NT5C2: variants seen among roughly 807,000 people sequenced by gnomAD.
The protein encoded by NT5C2 is cytosolic purine 5'-nucleotidase.
NT5C2 carries 58 observed loss-of-function variants against 76.1 expected under a neutral mutation model. That is an observed-to-expected ratio of 0.76 (90% CI 0.62 to 0.95). NT5C2 has a LOEUF of 0.95. Ranked by LOEUF, NT5C2 falls within the 40% of genes least tolerant of loss-of-function variation. The pLI is 0.00. For synonymous variants in NT5C2, 229 were observed against 237.4 expected, an observed-to-expected ratio of 0.96 and a Z score of 0.32; for missense variants, 478 against 690.3, an observed-to-expected ratio of 0.69 and a Z score of 3.45.
chr10:103,164,786 C>G (rs1366741413), intron 3 of NT5C2, among the ~76,000 whole-genome samples: 1 of 152,162 alleles, frequency 6.6e-6, no homozygotes, highest in Non-Finnish European at 1.5e-5. Context: ...ATGATACTTC[C>G]TCAACATAAG....
chr10:103,168,169 A>G (rs1251764710), intron 3 of NT5C2, among the ~76,000 whole-genome samples: 1 of 152,196 alleles, frequency 6.6e-6, no homozygotes, highest in Non-Finnish European at 1.5e-5. Context: ...AAGAATTTTA[A>G]AGAGAAAAAT....
intron 3 of NT5C2, among the ~76,000 whole-genome samples, chr10:103,162,265 C>T (rs987542193): frequency 2.6e-5 from 4 of 152,080 alleles, no homozygotes; most frequent in Non-Finnish European, 5.9e-5. Flanking sequence ...CCACCCACCT[C>T]GGCCTCCCAA....
rs2091016977 is a variant in NT5C2 at position 103,181,275 on chromosome 10, T to C, written c.-115A>G. 1 of 151,570 alleles carries C rather than the reference T, an allele frequency of 6.6e-6. No individual in the cohort carries two copies. The highest frequency in any genetic ancestry group is 2.4e-5 in the African/African-American group (1 of 41,164). 9.4% of individuals were successfully genotyped at this position (151,570 alleles called of 1,614,324 possible). On this transcript the variant is annotated 5_prime_UTR_variant, in exon 2 of 19. Transcript: ENST00000404739. Reference sequence around the variant, plus strand: ...TGGGAGGCCGAGGCGAATGGATCACTTGACGTCAGGAGATCACATCACTGT... The same window carrying C: ...TGGGAGGCCGAGGCGAATGGATCACCTGACGTCAGGAGATCACATCACTGT...
intron 1 of NT5C2, among the ~76,000 whole-genome samples, chr10:103,186,652 T>G (rs1011170943): frequency 6.6e-6 from 1 of 152,160 alleles, no homozygotes; most frequent in Non-Finnish European, 1.5e-5. Context: ...CGGTGGCTCA[T>G]GCCTGTAATC....
At chr10:103,117,860 T>C (rs2074725986) in intron 4 of NT5C2, among the ~76,000 whole-genome samples, 1 of 152,116 alleles carries the variant, frequency 6.6e-6, no homozygotes. Flanking sequence ...GTGAGGGTTA[T>C]TCGGAGCAAC....
chr10:103,110,293 T>C (rs1015961304), intron 4 of NT5C2, among the ~76,000 whole-genome samples: 1 of 152,068 alleles, frequency 6.6e-6, no homozygotes, highest in African/African-American at 2.4e-5. Flanking sequence ...CCGTCTCTAC[T>C]AAAAACACAA....
intron 3 of NT5C2, chr10:103,153,602 A>C: frequency 2.0e-6 from 2 of 985,398 alleles, no homozygotes; most frequent in Non-Finnish European, 2.4e-6. Flanking sequence ...TCCAAATGGC[A>C]AGTTCCTGTA....
intron 4 of NT5C2, among the ~76,000 whole-genome samples, chr10:103,107,160 T>C (rs2071502923): frequency 6.6e-6 from 1 of 152,252 alleles, no homozygotes; most frequent in South Asian, 2.1e-4. Flanking sequence ...AAATGAACTT[T>C]TAAAATAATT....
intron 4 of NT5C2, chr10:103,125,540 G>A (rs1011595788): frequency 2.7e-5 from 5 of 187,210 alleles, no homozygotes; most frequent in Admixed American, 2.5e-4. Flanking sequence ...CAGATTAGCA[G>A]TCTGTCAGAT....
chr10:103,123,074 CT>C (rs1346495674), intron 4 of NT5C2, among the ~76,000 whole-genome samples: 1 of 152,094 alleles, frequency 6.6e-6, no homozygotes, highest in Non-Finnish European at 1.5e-5. Flanking sequence ...AAAGATATTT[CT>C]TTCCCCTACA....
At position 103,090,875 on chromosome 10, in the gene NT5C2, G is replaced by A. The variant is rs3736922; in HGVS notation, c.1272+61C>T. On this transcript the variant is annotated intron_variant, in intron 17 of 18. Transcript: ENST00000404739. Reference sequence around the variant, plus strand: ...AATGCTAGTCTCTATAATAAATCAGGAATGTGAAAAAAGCATTTAAACTTA... The same window carrying A: ...AATGCTAGTCTCTATAATAAATCAGAAATGTGAAAAAAGCATTTAAACTTA... 677,131 of 1,595,100 alleles carry A rather than the reference G, an allele frequency of 0.42. 145,056 individuals carry two copies. The highest frequency in any genetic ancestry group is 0.51 in the East Asian group (22,764 of 44,734).
chr10:103,096,834 A>G (rs1178841525), intron 11 of NT5C2, among the ~76,000 whole-genome samples: 1 of 125,860 alleles, frequency 7.9e-6, no homozygotes, highest in Non-Finnish European at 1.6e-5. Context: ...CGACAGAGTG[A>G]GACTCTGTCT....
intron 14 of NT5C2, 114 bp from the exon 15 acceptor site, chr10:103,093,423 T>A: frequency 1.1e-6 from 1 of 908,048 alleles, no homozygotes; most frequent in Non-Finnish European, 1.5e-6. Context: ...AGGAACAGAC[T>A]AGGAAGAATA....
chr10:103,176,757 C>T (rs1445564256), intron 2 of NT5C2, among the ~76,000 whole-genome samples: 1 of 152,190 alleles, frequency 6.6e-6, no homozygotes, highest in Non-Finnish European at 1.5e-5. Flanking sequence ...ATCTGCTCAC[C>T]TCAATCTCCC....
chr10:103,100,586 A>G (rs2069330285), intron 8 of NT5C2: 1 of 440,652 alleles, frequency 2.3e-6, no homozygotes, highest in African/African-American at 2.0e-5. Flanking sequence ...ACTTACGCAA[A>G]ATTTTACTTC....
chr10:103,157,725 A>G (rs181113089), intron 3 of NT5C2, among the ~76,000 whole-genome samples: 84 of 152,292 alleles, frequency 5.5e-4, no homozygotes, highest in African/African-American at 2.0e-3. Flanking sequence ...AAGGACTAAA[A>G]TCATGTAAAA....
chr10:103,190,008 T>C (rs1205601731), intron 1 of NT5C2, among the ~76,000 whole-genome samples: 1 of 145,766 alleles, frequency 6.9e-6, no homozygotes, highest in African/African-American at 2.5e-5. Context: ...TTTTTTTTTT[T>C]TTTTTTTTTT....
chr10:103,175,292 G>C (rs1252281109), intron 2 of NT5C2, among the ~76,000 whole-genome samples: 1 of 152,184 alleles, frequency 6.6e-6, no homozygotes, highest in African/African-American at 2.4e-5. Context: ...CAGCACAGCA[G>C]TTTGTGAAGA....
intron 3 of NT5C2, among the ~76,000 whole-genome samples, chr10:103,167,378 G>A (rs914164174): frequency 2.2e-4 from 34 of 151,864 alleles, no homozygotes; most frequent in African/African-American, 6.5e-4. Context: ...TATATTTTCC[G>A]CATGATTTTC....
Sources: allele counts gnomAD v4.1 joint callset (sites outside exome capture counted in the v4.1 genomes callset), GRCh38; gene constraint gnomAD v4.1.1; transcripts MANE v1.5; gene names NCBI Gene and HGNC (gene_info 2026-07-23, HGNC 2026-07-21).